Variants in USP20 observed in about 807,000 individuals in gnomAD.
USP20 encodes the protein ubiquitin specific peptidase 20, also known as ubiquitin carboxyl-terminal hydrolase 20.
USP20 carries 80 observed loss-of-function variants against 124.2 expected under a neutral mutation model. That is an observed-to-expected ratio of 0.64 (90% CI 0.54 to 0.78). USP20 has a LOEUF of 0.78. USP20 is among the 30% of genes least tolerant of loss of function. USP20 has a pLI of 0.00. For missense variants in USP20, 1,043 were observed against 1,244.4 expected (o/e 0.84, Z 2.44); for synonymous variants, 481 against 512.3 (o/e 0.94, Z 0.83).
intron 2 of USP20, among the ~76,000 whole-genome samples, chr9:129,851,912 C>G (rs1465183654): frequency 6.6e-6 from 1 of 152,100 alleles, no homozygotes; most frequent in Non-Finnish European, 1.5e-5. Flanking sequence ...TTCTCTCTGA[C>G]TTTCTCCCTG....
In USP20 at chr9:129,874,694, G is replaced by A. The variant is rs1473280239; in HGVS notation, c.1859G>A (p.Cys620Tyr). The A allele has an allele frequency of 2.5e-6, 4 of 1,613,820 alleles. No homozygotes were observed. In the African/African-American group the frequency reaches 5.3e-5, roughly 22 times the overall value. Residue 620 changes from cysteine to tyrosine, a missense_variant, in exon 18 of 26, where the codon TGC becomes TAC. Coordinates refer to ENST00000372429, the MANE Select transcript of USP20 (RefSeq NM_001110303.4). Reference sequence around the variant, plus strand: ...CTGCGCCCCTTCCTTGCCAAGGAGTGCACATCCCAGATCACCACCTACGAC... The same window carrying A: ...CTGCGCCCCTTCCTTGCCAAGGAGTACACATCCCAGATCACCACCTACGAC... ...LDLRPFLAKE[C>Y]TSQITTYDLL...
In USP20 at chr9:129,874,559, T is replaced by G. The variant is rs772807509; in HGVS notation, c.1741-17T>G. 7 of 1,597,760 alleles carry G rather than the reference T, an allele frequency of 4.4e-6. No homozygotes were observed. The highest frequency in any genetic ancestry group is 1.7e-5 in the Admixed American group (1 of 59,516). On this transcript the variant is annotated splice_polypyrimidine_tract_variant and intron_variant, in intron 17 of 25. Transcript: ENST00000372429. ...TCATTTCTTCCTAGATGACCGGCGC[T>G]CTCTCTGTCCCCGCAGATCCTGTGC... is the stretch of plus-strand genomic sequence containing the variant.
rs546193498 is a variant in USP20, at chr9:129,861,938, A to G, written c.497+326A>G. ...TGCAGGAAAAATGGCACAAGACAAC[A>G]TGCATTGAAACAAGAAGGGGTTCAG... On this transcript the variant is annotated intron_variant, in intron 8 of 25. Transcript: ENST00000372429. Among the ~76,000 whole-genome samples the G allele has an allele frequency of 3.9e-5, 6 of 152,328 alleles. No homozygotes were observed. In the South Asian group the frequency reaches 1.0e-3, roughly 26 times the overall value.
chr9:129,858,349 C>T (rs963736471), intron 5 of USP20, 118 bp from the exon 6 acceptor site: 83 of 1,478,402 alleles, frequency 5.6e-5, no homozygotes, highest in Non-Finnish European at 6.9e-5. Context: ...TTTGAGCTTC[C>T]GGCCTCTGTC....
chr9:129,850,619 A>G (rs986070574), intron 2 of USP20, among the ~76,000 whole-genome samples: 41 of 152,086 alleles, frequency 2.7e-4, no homozygotes, highest in Non-Finnish European at 4.0e-4. Context: ...TCAGGTGGGC[A>G]CACATGCAGC....
intron 5 of USP20, 110 bp downstream of exon 5, chr9:129,858,222 C>A: frequency 8.0e-7 from 1 of 1,252,954 alleles, no homozygotes; most frequent in South Asian, 1.3e-5. Context: ...TAAATGGTGT[C>A]ATCCTAGCAT....
At position 129,875,407 on chromosome 9, in the gene USP20, T is replaced by C; in HGVS notation, c.2146T>C (p.Trp716Arg). The C allele has an allele frequency of 6.2e-7, 1 of 1,613,676 alleles. No individual in the cohort carries two copies. The highest frequency in any genetic ancestry group is 8.5e-7 in the Non-Finnish European group (1 of 1,179,970). The change falls in exon 20 of 26, where the codon TGG (tryptophan) becomes CGG (arginine). Residue 716 changes from tryptophan (W) to arginine (R), a missense_variant. Physicochemically the swap from Trp to Arg is moderately radical, Grantham distance 101 (BLOSUM62 -3). Coordinates refer to ENST00000372429, the MANE Select transcript of USP20 (RefSeq NM_001110303.4). ...GCTGCGGTTCTACGTGTCCCGCGAG[T>C]GGCTCAACAAGTTCAACACCTTCGC... ...SLLRFYVSREWLNKFNTFAEP... is the reference protein window; with the variant it reads ...SLLRFYVSRERLNKFNTFAEP...
intron 1 of USP20, among the ~76,000 whole-genome samples, chr9:129,836,677 C>T (rs923912349): frequency 1.3e-5 from 2 of 152,214 alleles, no homozygotes; most frequent in Non-Finnish European, 2.9e-5. Context: ...TTGTTCTTCT[C>T]TTCCTTGGGC....
At chr9:129,848,342 C>G (rs2032706713) in intron 1 of USP20, among the ~76,000 whole-genome samples, 2 of 152,144 alleles carry the variant, frequency 1.3e-5, no homozygotes, top group African/African-American at 4.8e-5. Context: ...TGACCTCTGC[C>G]AAGTTCCTGA....
intron 15 of USP20, among the ~76,000 whole-genome samples, chr9:129,872,462 G>C (rs377651776): frequency 6.6e-6 from 1 of 152,048 alleles, no homozygotes; most frequent in Admixed American, 6.6e-5. Flanking sequence ...TCGTTAGTTA[G>C]AGGAGTTCTT....
At chr9:129,865,162 G>A (rs1184456086) in intron 9 of USP20, 141 bp from the exon 10 acceptor site, 2 of 761,080 alleles carry the variant, frequency 2.6e-6, no homozygotes, top group Non-Finnish European at 4.5e-6. Context: ...GCCTCTTGGG[G>A]CTCCTGGCTG....
At chr9:129,848,025 C>T (rs777684923) in intron 1 of USP20, among the ~76,000 whole-genome samples, 5 of 151,896 alleles carry the variant, frequency 3.3e-5, no homozygotes, top group African/African-American at 4.8e-5. Flanking sequence ...GGGCCGAGCA[C>T]GGTGGCTCAC....
chr9:129,863,422 G>A, intron 9 of USP20, 123 bp downstream of exon 9: 1 of 730,440 alleles, frequency 1.4e-6, no homozygotes. Context: ...TTTGTCCCGG[G>A]TAATGCTTGC....
At chr9:129,875,981 C>A in intron 21 of USP20, 149 bp from the exon 22 acceptor site, 1 of 490,868 alleles carries the variant, frequency 2.0e-6, no homozygotes, top group Non-Finnish European at 3.2e-6. Context: ...CCGTTGCAGG[C>A]TCTGTGGTGC....
chr9:129,867,458 G>A (rs149607103), intron 10 of USP20, among the ~76,000 whole-genome samples: 1 of 152,188 alleles, frequency 6.6e-6, no homozygotes, highest in Admixed American at 6.5e-5. Context: ...GTATGTGGGG[G>A]CTGGCACAGG....
chr9:129,847,223 G>A (rs996096118), intron 1 of USP20, among the ~76,000 whole-genome samples: 15 of 151,880 alleles, frequency 9.9e-5, no homozygotes, highest in African/African-American at 3.6e-4. Context: ...GCATTCTGCA[G>A]CAGCTGCACC....
rs747070020 is a variant in USP20 at position 129,873,741 on chromosome 9, C to G, written c.1737C>G (p.Pro579=). The G allele has an allele frequency of 2.5e-6, 4 of 1,612,178 alleles. No individual in the cohort carries two copies. The highest frequency in any genetic ancestry group is 1.7e-5 in the Admixed American group (1 of 60,016). The change falls in exon 17 of 26, where the codon CCC becomes CCG. Residue 579 remains proline (P), a synonymous_variant. Transcript: ENST00000372429. ...GVKYCKVLRL[P]EILCIHLKRF... is the part of the protein sequence containing the mutation. Reference sequence around the variant, plus strand: ...AGTACTGCAAAGTCCTGCGGTTGCCCGAGGTGAGCCAGTGGCCTCGGCAGC... The same window carrying G: ...AGTACTGCAAAGTCCTGCGGTTGCCGGAGGTGAGCCAGTGGCCTCGGCAGC...
At chr9:129,856,691 T>C (rs943694191) in intron 4 of USP20, among the ~76,000 whole-genome samples, 4 of 152,270 alleles carry the variant, frequency 2.6e-5, no homozygotes, top group African/African-American at 9.6e-5. Context: ...GGCCTGGCAC[T>C]GCTGCTCAGC....
chr9:129,860,364 TAC>T (rs1397553759), intron 6 of USP20, among the ~76,000 whole-genome samples: 2 of 151,138 alleles, frequency 1.3e-5, no homozygotes. Context: ...ATAAGATACA[TAC>T]AGACTATTAA....
Sources: allele counts gnomAD v4.1 joint callset (sites outside exome capture counted in the v4.1 genomes callset), GRCh38; gene constraint gnomAD v4.1.1; transcripts MANE v1.5; gene names NCBI Gene and HGNC (gene_info 2026-07-23, HGNC 2026-07-21).